THBS2: variants seen among roughly 807,000 people sequenced by gnomAD.
THBS2 encodes the protein thrombospondin 2.
In THBS2, 47 loss-of-function variants were observed where a neutral mutation model predicts 135.2. The observed-to-expected ratio is 0.35, with a 90% confidence interval of 0.28 to 0.44. The LOEUF is 0.44. THBS2 is among the 20% of genes least tolerant of loss of function. THBS2 has a pLI of 1.00. For missense variants in THBS2, 1,288 were observed against 1,603.1 expected (o/e 0.80, Z 3.36); for synonymous variants, 639 against 633.8 (o/e 1.01, Z -0.12).
chr6:169,237,832 G>C (rs771947052), intron 7 of THBS2, 37 bp from the exon 8 acceptor site: 1 of 1,593,300 alleles, frequency 6.3e-7, no homozygotes, highest in East Asian at 2.2e-5. Context: ...ATCAGGCCCT[G>C]CCTCACAGAC....
chr6:169,228,372 A>T, intron 14 of THBS2, 91 bp from the exon 15 acceptor site: 3 of 1,443,206 alleles, frequency 2.1e-6, no homozygotes, highest in Non-Finnish European at 2.8e-6. Flanking sequence ...CTCAAGGTTG[A>T]TGAAAATCAA....
Position 169,250,862 on chromosome 6 carries a change from T to C in THBS2, c.-22-56A>G, listed in dbSNP as rs1244398489. The C allele has an allele frequency of 2.4e-6, 3 of 1,257,026 alleles. No homozygotes were observed. In the Admixed American group the frequency reaches 6.3e-5, roughly 26 times the overall value. 77.9% of individuals were successfully genotyped at this position (1,257,026 alleles called of 1,614,324 possible). ...GAGTCCACAGCTGCAACCCTGCCTG[T>C]GAGCGAGACTGGCCCAGTGACTCAC... On this transcript the variant is annotated intron_variant, in intron 1 of 21. Transcript: ENST00000617924.
In THBS2 at chr6:169,217,629, T is replaced by TGAG. The variant is rs1283990661; in HGVS notation, c.*190_*192dup. ...CTCTAGTGGGTTAGATGTTCATCTC[T>TGAG]GAGTTCCATTGATATTTATCCTCTG... On this transcript the variant is annotated 3_prime_UTR_variant, in exon 22 of 22. Coordinates refer to ENST00000617924, the MANE Select transcript of THBS2 (RefSeq NM_003247.5). The TGAG allele has an allele frequency of 3.6e-6, 2 of 548,752 alleles. No individual in the cohort carries two copies. Among genetic ancestry groups the TGAG allele is most frequent in the Non-Finnish European group, 6.4e-6 (2 of 311,918 alleles). The allele number at this position is 548,752 out of a possible 1,614,324, so 34.0% of individuals were successfully genotyped here.
chr6:169,235,227 G>T (rs1443873538), intron 9 of THBS2, among the ~76,000 whole-genome samples: 1 of 151,542 alleles, frequency 6.6e-6, no homozygotes, highest in Non-Finnish European at 1.5e-5. Flanking sequence ...TCGCTATGTT[G>T]CCCAGGCTGC....
chr6:169,220,294 G>C lies in THBS2; in HGVS notation c.3415C>G (p.Pro1139Ala), dbSNP rs764000550. The change falls in exon 21 of 22, where the codon CCT becomes GCT. Residue 1139 changes from proline to alanine, a missense_variant. By Grantham distance (27) the Pro-to-Ala change is conservative. Transcript: ENST00000617924. ...CCAGCGTAGGTTTGGTCATAGATAG[G>C]TCCTGAGTCTGCCATGACCTGTTTT... Reference protein sequence around the residue: ...EGKQVMADSGPIYDQTYAGGR... With the variant: ...EGKQVMADSGAIYDQTYAGGR... The C allele has an allele frequency of 3.1e-6, 5 of 1,613,680 alleles. No individual in the cohort carries two copies. Among genetic ancestry groups the C allele is most frequent in the African/African-American group, 2.7e-5 (2 of 74,900 alleles).
At chr6:169,237,389 G>C in intron 8 of THBS2, 43 bp from the exon 9 acceptor site, 1 of 1,609,452 alleles carries the variant, frequency 6.2e-7, no homozygotes, top group Non-Finnish European at 8.5e-7. Context: ...GCCGCCTAGA[G>C]GGGTATTTGC....
intron 4 of THBS2, among the ~76,000 whole-genome samples, chr6:169,242,663 CCACCACT>C: frequency 1.4e-5 from 1 of 73,986 alleles, no homozygotes; most frequent in Non-Finnish European, 3.1e-5. Context: ...TCCCACCTTC[CCACCACT>C]CCCACCTTCC....
chr6:169,247,274 A>C (rs1373630597), intron 3 of THBS2, among the ~76,000 whole-genome samples: 1 of 152,060 alleles, frequency 6.6e-6, no homozygotes, highest in Non-Finnish European at 1.5e-5. Flanking sequence ...TGGTGTTTGC[A>C]TGTGAAAGGG....
At chr6:169,223,222 A>T (rs1583405118) in intron 18 of THBS2, 26 bp downstream of exon 18, 2 of 1,597,590 alleles carry the variant, frequency 1.3e-6, no homozygotes, top group Non-Finnish European at 1.7e-6. Context: ...AAATGCTGGC[A>T]CCACCGCCGT....
At position 169,248,566 on chromosome 6, in the gene THBS2, C is replaced by G. The variant is rs781033084; in HGVS notation, c.460G>C (p.Val154Leu). The G allele has an allele frequency of 5.0e-6, 8 of 1,613,996 alleles. No homozygotes were observed. The highest frequency in any genetic ancestry group is 1.1e-5 in the South Asian group (1 of 91,076). Residue 154 changes from valine (V) to leucine (L), a missense_variant, in exon 3 of 22, where the codon GTG (valine) becomes CTG (leucine). Val to Leu is a conservative substitution (Grantham distance 32). Coordinates refer to ENST00000617924, the MANE Select transcript of THBS2 (RefSeq NM_003247.5). The part of the protein sequence containing the change: ...LADSQWKNVT[V>L]QVAGETYSLH... ...CTGTAGGTCTCGCCAGCCACCTGCACGGTGACGTTCTTCCACTGCGAGTCA... is the reference window on the plus strand; with the variant it reads ...CTGTAGGTCTCGCCAGCCACCTGCAGGGTGACGTTCTTCCACTGCGAGTCA...
intron 3 of THBS2, among the ~76,000 whole-genome samples, chr6:169,246,853 C>T (rs975164500): frequency 2.0e-5 from 3 of 152,022 alleles, no homozygotes; most frequent in African/African-American, 7.2e-5. Flanking sequence ...TGAGTTTAAC[C>T]ATGTACTTAT....
intron 21 of THBS2, among the ~76,000 whole-genome samples, chr6:169,219,020 AGTGG>A (rs137977227): frequency 0.046 from 5,678 of 123,534 alleles, 256 homozygotes; most frequent in Middle Eastern, 0.065. Context: ...GGATGAGATG[AGTGG>A]ATGGATGGAT....
intron 3 of THBS2, among the ~76,000 whole-genome samples, chr6:169,247,967 T>G (rs1348861971): frequency 6.6e-6 from 1 of 151,708 alleles, no homozygotes; most frequent in East Asian, 1.9e-4. Context: ...TGCCCATGTA[T>G]GGTGTTTGTG....
chr6:169,245,013 T>C (rs1246170747), intron 4 of THBS2, among the ~76,000 whole-genome samples: 1 of 152,274 alleles, frequency 6.6e-6, no homozygotes, highest in Non-Finnish European at 1.5e-5. Flanking sequence ...AGAGTCATTG[T>C]GCACCAAAGA....
At chr6:169,246,000 T>C (rs1780542783) in intron 4 of THBS2, 197 bp downstream of exon 4, 2 of 438,248 alleles carry the variant, frequency 4.6e-6, no homozygotes, top group Non-Finnish European at 8.2e-6. Context: ...GTTTAATCAA[T>C]TTATTATTTT....
At chr6:169,218,640 ATGGTTGGGTG>A (rs1779283352) in intron 21 of THBS2, among the ~76,000 whole-genome samples, 2 of 85,612 alleles carry the variant, frequency 2.3e-5, no homozygotes, top group Non-Finnish European at 5.3e-5. Flanking sequence ...GATGAGATGG[ATGGTTGGGTG>A]AATGGATGAG....
At chr6:169,242,742 G>T (rs200056542) in intron 4 of THBS2, among the ~76,000 whole-genome samples, 1 of 54,196 alleles carries the variant, frequency 1.8e-5, no homozygotes, top group Non-Finnish European at 3.8e-5. Flanking sequence ...CCTTCCCACC[G>T]CTCCCACCTT....
intron 13 of THBS2, 50 bp downstream of exon 13, chr6:169,231,930 G>A: frequency 6.3e-7 from 1 of 1,596,446 alleles, no homozygotes; most frequent in Non-Finnish European, 8.5e-7. Flanking sequence ...GGCGCCAGGA[G>A]GAGGGCTGAC....
chr6:169,242,041 GC>G, intron 4 of THBS2, 83 bp from the exon 5 acceptor site: 1 of 1,468,496 alleles, frequency 6.8e-7, no homozygotes, highest in African/African-American at 1.4e-5. Context: ...AGGATGACCC[GC>G]CCTGGCTCCC....
Sources: allele counts gnomAD v4.1 joint callset (sites outside exome capture counted in the v4.1 genomes callset), GRCh38; gene constraint gnomAD v4.1.1; transcripts MANE v1.5; gene names NCBI Gene and HGNC (gene_info 2026-07-23, HGNC 2026-07-21).